PAG1: variants seen among roughly 807,000 people sequenced by gnomAD.
PAG1 encodes phosphoprotein associated with glycosphingolipid-enriched microdomains 1.
In PAG1, 23 loss-of-function variants were observed where a neutral mutation model predicts 31.7. The observed-to-expected ratio is 0.73, with a 90% CI of 0.52 to 1.03. The LOEUF is 1.03. Among genes scored for constraint, PAG1 ranks in the 50% least tolerant of loss-of-function variants. The pLI is 0.00. For missense variants in PAG1, 473 were observed against 540.7 expected (o/e 0.87, Z 1.24); for synonymous variants, 214 against 210.3 (o/e 1.02, Z -0.15).
chr8:81,077,590 G>T lies in PAG1; in HGVS notation c.-233-7420C>A, dbSNP rs371604449. Among the ~76,000 whole-genome samples, 388 of 152,296 alleles carry T rather than the reference G, an allele frequency of 2.5e-3. 1 individual carries two copies. Among genetic ancestry groups the T allele is most frequent in the Non-Finnish European group, 4.6e-3 (315 of 68,026 alleles). ...CGAAAAAACATTAATTTCTTCAGGTGTAAAGAGAATGGCTGTACTTTTGTC... is the reference window on the plus strand; with the variant it reads ...CGAAAAAACATTAATTTCTTCAGGTTTAAAGAGAATGGCTGTACTTTTGTC... On this transcript the variant is annotated intron_variant, in intron 1 of 8. Coordinates refer to ENST00000220597, the MANE Select transcript of PAG1 (RefSeq NM_018440.4).
chr8:81,067,184 G>GT (rs1809022341), intron 2 of PAG1, among the ~76,000 whole-genome samples: 1 of 152,162 alleles, frequency 6.6e-6, no homozygotes, highest in Non-Finnish European at 1.5e-5. Context: ...TAAAAATTAT[G>GT]TATGTTTGCC....
intron 1 of PAG1, among the ~76,000 whole-genome samples, chr8:81,100,976 GA>G (rs1210197547): frequency 2.0e-5 from 3 of 152,196 alleles, no homozygotes; most frequent in Non-Finnish European, 4.4e-5. Flanking sequence ...TTGTATCTAG[GA>G]GAACGATTTT....
At chr8:80,988,285 T>C (rs1215865570) in intron 5 of PAG1, among the ~76,000 whole-genome samples, 5 of 152,152 alleles carry the variant, frequency 3.3e-5, no homozygotes, top group African/African-American at 7.2e-5. Flanking sequence ...TGCCATGCTA[T>C]GAGAAACGTG....
intron 3 of PAG1, among the ~76,000 whole-genome samples, chr8:81,014,887 G>A (rs138018734): frequency 2.1e-3 from 316 of 152,274 alleles, no homozygotes; most frequent in African/African-American, 7.3e-3. Flanking sequence ...TGTGGGCTTT[G>A]GAGCTTTTGG....
chr8:81,055,553 G>A (rs1368268965), intron 2 of PAG1, among the ~76,000 whole-genome samples: 1 of 152,008 alleles, frequency 6.6e-6, no homozygotes, highest in African/African-American at 2.4e-5. Flanking sequence ...TGGGCAGTAT[G>A]GCCATTCTCA....
At chr8:81,021,648 C>T (rs552041747) in intron 3 of PAG1, among the ~76,000 whole-genome samples, 8 of 151,650 alleles carry the variant, frequency 5.3e-5, no homozygotes, top group Non-Finnish European at 1.2e-4. Flanking sequence ...TTACAATTCT[C>T]ACGTTCTCTA....
chr8:81,059,113 G>T lies in PAG1; in HGVS notation c.-175+10999C>A, dbSNP rs143324850. 8.8e-3 allele frequency among the ~76,000 whole-genome samples: 1,333 copies of T among 152,008 alleles called. 19 individuals carry two copies. Among genetic ancestry groups the T allele is most frequent in the African/African-American group, 0.03 (1,253 of 41,446 alleles). ...AAGTATATATATAGGCATAGTATTT[G>T]CATATAAACTATACACATCCTCCCA... On this transcript the variant is annotated intron_variant, in intron 2 of 8. Transcript: ENST00000220597.
intron 1 of PAG1, among the ~76,000 whole-genome samples, chr8:81,079,832 G>A (rs763811778): frequency 1.3e-5 from 2 of 151,820 alleles, no homozygotes; most frequent in Admixed American, 6.6e-5. Flanking sequence ...ACAGTGGCAC[G>A]ACCATGGCTC....
In PAG1 at chr8:80,976,740, G is replaced by GT; in HGVS notation, c.1102dup (p.Thr368AsnfsTer19). 6.2e-7 allele frequency: 1 copy of GT among 1,613,974 alleles called. No homozygotes were observed. Among genetic ancestry groups the GT allele is most frequent in the Non-Finnish European group, 8.5e-7 (1 of 1,179,930 alleles). On this transcript the variant is annotated frameshift_variant, in exon 9 of 9. Coordinates refer to ENST00000220597, the MANE Select transcript of PAG1 (RefSeq NM_018440.4). LOFTEE classifies it high-confidence loss of function. ...TGCTGGTGGAAGTGTGCTGTTTGGA[G>GT]TTTTTTCGAAGTCTTTAACAGTAGC...
At chr8:81,097,860 G>A (rs978235509) in intron 1 of PAG1, among the ~76,000 whole-genome samples, 2 of 152,158 alleles carry the variant, frequency 1.3e-5, no homozygotes, top group Non-Finnish European at 2.9e-5. Context: ...GTACTGCCTT[G>A]ATGATGCTCT....
In PAG1 at chr8:80,976,826, G is replaced by A. The variant is rs1263730477; in HGVS notation, c.1017C>T (p.Ser339=). ...KSGQSLTVPE[S]TYTSIQGDPQ... ...GGTCCCCTTGAATGGAGGTGTAGGT[G>A]GACTCCGGAACTGTAAGCGACTGCC... Residue 339 remains serine (S), a synonymous_variant, in exon 9 of 9, where the codon TCC becomes TCT. Transcript: ENST00000220597. The A allele has an allele frequency of 1.2e-6, 2 of 1,613,824 alleles. No individual in the cohort carries two copies. The highest frequency in any genetic ancestry group is 1.6e-4 in the Middle Eastern group (1 of 6,062).
At chr8:81,042,106 C>T (rs570439706) in intron 2 of PAG1, among the ~76,000 whole-genome samples, 3 of 152,246 alleles carry the variant, frequency 2.0e-5, no homozygotes, top group African/African-American at 4.8e-5. Context: ...GGTGACAGAA[C>T]AAGATTTGGG....
At chr8:81,033,133 A>G (rs1808402788) in intron 2 of PAG1, among the ~76,000 whole-genome samples, 1 of 152,214 alleles carries the variant, frequency 6.6e-6, no homozygotes, top group Non-Finnish European at 1.5e-5. Flanking sequence ...TGTGAATTGC[A>G]TCTAAATAAA....
chr8:81,032,314 G>A (rs1808389726), intron 2 of PAG1, among the ~76,000 whole-genome samples: 1 of 152,152 alleles, frequency 6.6e-6, no homozygotes, highest in Non-Finnish European at 1.5e-5. Context: ...AATCGTATGT[G>A]ATAAGGGACT....
chr8:81,041,028 G>C (rs752829753), intron 2 of PAG1, among the ~76,000 whole-genome samples: 21 of 152,210 alleles, frequency 1.4e-4, no homozygotes, highest in Non-Finnish European at 2.6e-4. Flanking sequence ...TCTTTGCATG[G>C]AAAACTGAAG....
chr8:80,987,444 C>T lies in PAG1; in HGVS notation c.200G>A (p.Ser67Asn), dbSNP rs200412403. The T allele has an allele frequency of 1.6e-4, 252 of 1,613,742 alleles. 2 individuals are homozygous for T. In the East Asian group the frequency reaches 5.1e-3, roughly 33 times the overall value. The change falls in exon 6 of 9, where the codon AGC (serine) becomes AAC (asparagine). Residue 67 changes from serine to asparagine, a missense_variant. Physicochemically the swap from Ser to Asn is conservative, Grantham distance 46. Coordinates refer to ENST00000220597, the MANE Select transcript of PAG1 (RefSeq NM_018440.4). ...TGTTGCCAGGCTAGTAACTGAACGG[C>T]TGAACATCTCCTTGTCTGAAGGCTG... ...MNVPSDKEMF[S>N]RSVTSLATDA...
In PAG1 at chr8:81,083,999, C is replaced by T. The variant is rs898180350; in HGVS notation, c.-233-13829G>A. 2.0e-5 allele frequency among the ~76,000 whole-genome samples: 3 copies of T among 151,424 alleles called. No homozygotes were observed. In the South Asian group the frequency reaches 6.2e-4, roughly 32 times the overall value. ...GTAGTGAGCCAAGATGGCACCACTG[C>T]ACTCCAGCATGGGCAACAGAGCGAG... On this transcript the variant is annotated intron_variant, in intron 1 of 8. Coordinates refer to ENST00000220597, the MANE Select transcript of PAG1 (RefSeq NM_018440.4).
intron 8 of PAG1, 91 bp downstream of exon 8, chr8:80,980,344 T>C: frequency 1.3e-6 from 1 of 748,330 alleles, no homozygotes; most frequent in Non-Finnish European, 2.3e-6. Context: ...TTTCAGCTCT[T>C]TCAAAGGGTA....
At chr8:81,006,870 C>CA (rs1331965809) in intron 3 of PAG1, among the ~76,000 whole-genome samples, 1 of 152,136 alleles carries the variant, frequency 6.6e-6, no homozygotes, top group African/African-American at 2.4e-5. Flanking sequence ...AATATGGATT[C>CA]ATTAAGCTAA....
Sources: gnomAD v4.1 joint callset for allele counts (sites outside exome capture counted in the v4.1 genomes callset) on GRCh38, gnomAD v4.1.1 for gene constraint, MANE v1.5 for transcripts, NCBI Gene and HGNC (gene_info 2026-07-23, HGNC 2026-07-21) for gene names.